Variants in DPP10 observed in about 807,000 individuals in gnomAD.
DPP10 encodes the protein inactive dipeptidyl peptidase 10.
A neutral mutation model predicts 120.9 loss-of-function variants in DPP10; 33 were observed. The ratio of observed to expected loss-of-function variants is 0.27; its 90% confidence interval spans 0.21 to 0.37. The LOEUF (loss-of-function observed/expected upper bound fraction) is 0.37, where lower values mean the gene tolerates loss of function less well. Among genes scored for constraint, DPP10 ranks in the 10% least tolerant of loss-of-function variants. The pLI is 1.00. For synonymous variants in DPP10, 337 were observed against 326.1 expected (o/e 1.03, Z -0.36); for missense variants, 816 against 942.8 (o/e 0.87, Z 1.76).
intron 1 of DPP10, among the ~76,000 whole-genome samples, chr2:114,663,164 G>T (rs1213157530): frequency 1.3e-5 from 2 of 151,730 alleles, no homozygotes; most frequent in Non-Finnish European, 2.9e-5. Flanking sequence ...AATAGGGAAG[G>T]AAATAGGTGG....
chr2:114,637,293 G>A (rs894042576), intron 1 of DPP10, among the ~76,000 whole-genome samples: 1 of 151,922 alleles, frequency 6.6e-6, no homozygotes, highest in Non-Finnish European at 1.5e-5. Flanking sequence ...TTCAGGATAA[G>A]CTGTTTACAA....
intron 3 of DPP10, among the ~76,000 whole-genome samples, chr2:115,482,111 T>C (rs1315424352): frequency 6.6e-6 from 1 of 152,062 alleles, no homozygotes; most frequent in African/African-American, 2.4e-5. Context: ...GTTTTGTATT[T>C]GAAACTTTTG....
intron 3 of DPP10, among the ~76,000 whole-genome samples, chr2:115,471,327 A>C (rs142955027): frequency 3.5e-4 from 54 of 152,274 alleles, no homozygotes; most frequent in South Asian, 1.0e-3. Context: ...AGTAACATAC[A>C]TGACTACTTA....
At chr2:115,273,903 C>G (rs781409753) in intron 1 of DPP10, among the ~76,000 whole-genome samples, 1 of 152,154 alleles carries the variant, frequency 6.6e-6, no homozygotes, top group East Asian at 1.9e-4. Context: ...TATTTCATAG[C>G]CAAATACATT....
At chr2:115,193,264 G>A (rs979014391) in intron 1 of DPP10, among the ~76,000 whole-genome samples, 2 of 151,520 alleles carry the variant, frequency 1.3e-5, no homozygotes, top group African/African-American at 2.4e-5. Context: ...ATTTACTTTC[G>A]GACAAGAATT....
At chr2:114,978,685 A>T (rs1419169572) in intron 1 of DPP10, among the ~76,000 whole-genome samples, 1 of 152,178 alleles carries the variant, frequency 6.6e-6, no homozygotes, top group Non-Finnish European at 1.5e-5. Flanking sequence ...CAGCTGTAGA[A>T]GACCCTTTAA....
intron 1 of DPP10, among the ~76,000 whole-genome samples, chr2:114,663,668 T>TATATATATATATATATAGAGAGAG: frequency 6.2e-5 from 5 of 80,706 alleles, no homozygotes; most frequent in African/African-American, 2.8e-4. Context: ...TATATATATA[T>TATATATATATATATATAGAGAGAG]AGAGAGAGAG....
chr2:114,442,968 G>A, intron 1 of DPP10, 130 bp downstream of exon 1: 2 of 1,163,706 alleles, frequency 1.7e-6, no homozygotes, highest in South Asian at 1.4e-5. Flanking sequence ...TGAAGGTTGA[G>A]TCACAATAAA....
intron 1 of DPP10, among the ~76,000 whole-genome samples, chr2:115,084,104 A>G (rs1020103458): frequency 2.0e-5 from 3 of 152,166 alleles, no homozygotes; most frequent in Non-Finnish European, 4.4e-5. Flanking sequence ...TACGAAACCT[A>G]TATGAATCCC....
chr2:115,532,099 A>G (rs2078504784), intron 5 of DPP10, among the ~76,000 whole-genome samples: 1 of 152,100 alleles, frequency 6.6e-6, no homozygotes, highest in Non-Finnish European at 1.5e-5. Context: ...ATCACTCTCT[A>G]TTTCCCATCC....
intron 1 of DPP10, among the ~76,000 whole-genome samples, chr2:114,456,889 G>A (rs1293189971): frequency 6.6e-6 from 1 of 152,008 alleles, no homozygotes; most frequent in African/African-American, 2.4e-5. Context: ...TACAGTGTGT[G>A]TGGTCTATTC....
At chr2:115,007,071 A>G (rs1406208283) in intron 1 of DPP10, among the ~76,000 whole-genome samples, 1 of 152,122 alleles carries the variant, frequency 6.6e-6, no homozygotes, top group Non-Finnish European at 1.5e-5. Context: ...ATCTCACTCA[A>G]AACTTCTCAA....
At chr2:115,353,630 C>T (rs1206168948) in intron 3 of DPP10, among the ~76,000 whole-genome samples, 2 of 152,070 alleles carry the variant, frequency 1.3e-5, no homozygotes, top group African/African-American at 4.8e-5. Flanking sequence ...TCAAAATTTG[C>T]ATGTATGTTT....
chr2:115,493,468 A>T (rs924337884), intron 3 of DPP10, among the ~76,000 whole-genome samples: 2 of 151,930 alleles, frequency 1.3e-5, no homozygotes, highest in South Asian at 4.1e-4. Flanking sequence ...ATGTTTAAGA[A>T]TCCATATAAG....
chr2:115,490,415 C>T (rs1191261648), intron 3 of DPP10, among the ~76,000 whole-genome samples: 7 of 134,524 alleles, frequency 5.2e-5, no homozygotes, highest in Admixed American at 2.5e-4. Flanking sequence ...TACCTCCTAC[C>T]GGGTCCCCTG....
At chr2:114,457,417 G>A (rs1678641330) in intron 1 of DPP10, among the ~76,000 whole-genome samples, 1 of 152,112 alleles carries the variant, frequency 6.6e-6, no homozygotes, top group Non-Finnish European at 1.5e-5. Flanking sequence ...TTAACCACTG[G>A]CTTACATGGT....
At chr2:115,597,825 A>T (rs951391503) in intron 5 of DPP10, among the ~76,000 whole-genome samples, 1 of 152,000 alleles carries the variant, frequency 6.6e-6, no homozygotes, top group African/African-American at 2.4e-5. Flanking sequence ...AGACTAAGTG[A>T]TTCCTTCATC....
chr2:114,891,541 A>G (rs1054941447), intron 1 of DPP10, among the ~76,000 whole-genome samples: 3 of 152,216 alleles, frequency 2.0e-5, no homozygotes, highest in East Asian at 1.9e-4. Context: ...TTGCAGAAGT[A>G]TTGTCTTCAA....
intron 1 of DPP10, among the ~76,000 whole-genome samples, chr2:114,972,943 G>A (rs998761005): frequency 1.7e-4 from 26 of 152,174 alleles, no homozygotes; most frequent in African/African-American, 6.3e-4. Context: ...GATAGCCTCT[G>A]TCCAGCATCC....
Sources: gnomAD v4.1 joint callset for allele counts (sites outside exome capture counted in the v4.1 genomes callset) on GRCh38, gnomAD v4.1.1 for gene constraint, MANE v1.5 for transcripts, NCBI Gene and HGNC (gene_info 2026-07-23, HGNC 2026-07-21) for gene names.